Variants in ALMS1 observed in about 807,000 individuals in gnomAD.
ALMS1 encodes centrosome-associated protein ALMS1.
A neutral mutation model predicts 352.2 loss-of-function variants in ALMS1; 271 were observed. That is an observed-to-expected ratio of 0.77 (90% CI 0.70 to 0.85). The LOEUF (loss-of-function observed/expected upper bound fraction) is 0.85, where lower values mean the gene tolerates loss of function less well. Ranked by LOEUF, ALMS1 falls within the 40% of genes least tolerant of loss-of-function variation. The pLI, the probability that ALMS1 is intolerant of heterozygous loss-of-function variation, is 0.00. For missense variants in ALMS1, 5,445 were observed against 4,870.7 expected (o/e 1.12, Z -3.51); for synonymous variants, 1,865 against 1,761.2 (o/e 1.06, Z -1.48).
intron 9 of ALMS1, among the ~76,000 whole-genome samples, chr2:73,483,708 A>G (rs2103872703): frequency 6.7e-6 from 1 of 150,270 alleles, no homozygotes; most frequent in South Asian, 2.1e-4. Flanking sequence ...GTGGGAGTCT[A>G]AGTCTCTTTG....
In ALMS1 at chr2:73,488,688, C is replaced by A. The variant is rs553074424; in HGVS notation, c.7675-946C>A. 2.6e-5 allele frequency among the ~76,000 whole-genome samples: 4 copies of A among 152,294 alleles called. No individual in the cohort carries two copies. In the South Asian group the frequency reaches 8.3e-4, roughly 32 times the overall value. ...ACTCCAGATGGGATGCCGCTGCCAT[C>A]AAAAATATATCTACTCCATCACCTG... On this transcript the variant is annotated intron_variant, in intron 9 of 22. Transcript: ENST00000613296.
At chr2:73,526,225 T>G (rs1673788342) in intron 11 of ALMS1, among the ~76,000 whole-genome samples, 1 of 152,334 alleles carries the variant, frequency 6.6e-6, no homozygotes, top group South Asian at 2.1e-4. Flanking sequence ...TCCTCCAGTT[T>G]CGTTCTTTAT....
intron 6 of ALMS1, among the ~76,000 whole-genome samples, chr2:73,426,855 T>C (rs1405946073): frequency 6.6e-6 from 1 of 152,236 alleles, no homozygotes; most frequent in Admixed American, 6.5e-5. Context: ...GGGAATGTTT[T>C]ATTTGAAAAA....
chr2:73,510,951 C>G (rs1473728959), intron 10 of ALMS1, among the ~76,000 whole-genome samples: 1 of 152,144 alleles, frequency 6.6e-6, no homozygotes, highest in African/African-American at 2.4e-5. Context: ...TGGGCTTCAC[C>G]CAGTTGGAAA....
Position 73,448,031 on chromosome 2 carries a change from G to A in ALMS1, c.1504G>A (p.Val502Ile). 1.9e-6 allele frequency: 3 copies of A among 1,613,936 alleles called. No individual in the cohort carries two copies. Residue 502 changes from valine to isoleucine, a missense_variant, in exon 8 of 23, where the codon GTT becomes ATT. Transcript: ENST00000613296. ...GAAGTCAGGCATCACTACCACTCCT[G>A]TTGATTCAGACATTGGATCTCATTT... ...NLKSGITTTP[V>I]DSDIGSHLSL...
At chr2:73,539,762 A>C (rs529496754) in intron 12 of ALMS1, among the ~76,000 whole-genome samples, 3 of 152,362 alleles carry the variant, frequency 2.0e-5, no homozygotes, top group African/African-American at 7.2e-5. Flanking sequence ...ATCAACTGGC[A>C]GAAAGGGTAT....
At position 73,490,333 on chromosome 2, in the gene ALMS1, A is replaced by G; in HGVS notation, c.8374A>G (p.Arg2792Gly). Residue 2792 changes from arginine (R) to glycine (G), a missense_variant, in exon 10 of 23, where the codon AGA becomes GGA. Coordinates refer to ENST00000613296, the MANE Select transcript of ALMS1 (RefSeq NM_001378454.1). ...AGAAGTGACTATTTTAGCAGAAGGTAGAAGGCAAAGCCAAAAATTACCTGT... is the reference window on the plus strand; with the variant it reads ...AGAAGTGACTATTTTAGCAGAAGGTGGAAGGCAAAGCCAAAAATTACCTGT... ...DKEVTILAEG[R>G]RQSQKLPVDF... 1 of 1,612,436 alleles carries G rather than the reference A, an allele frequency of 6.2e-7. No individual in the cohort carries two copies.
In ALMS1 at chr2:73,451,672, A is replaced by T. The variant is rs1671943193; in HGVS notation, c.5145A>T (p.Arg1715Ser). ...TATCCTCTAGTTTATACTCATATAGAGAGAAGCCCATTGTCTTCTACCAAC... is the reference window on the plus strand; with the variant it reads ...TATCCTCTAGTTTATACTCATATAGTGAGAAGCCCATTGTCTTCTACCAAC... ...PSVSSSLYSY[R>S]EKPIVFYQQA... Residue 1715 changes from arginine (R) to serine (S), a missense_variant, in exon 8 of 23, where the codon AGA (arginine) becomes AGT (serine). Transcript: ENST00000613296. 2.5e-6 allele frequency: 4 copies of T among 1,614,094 alleles called. No homozygotes were observed. Among genetic ancestry groups the T allele is most frequent in the Non-Finnish European group, 3.4e-6 (4 of 1,179,988 alleles).
Position 73,450,119 on chromosome 2 carries a change from C to T in ALMS1, c.3592C>T (p.Pro1198Ser). 1 of 1,614,028 alleles carries T rather than the reference C, an allele frequency of 6.2e-7. No individual in the cohort carries two copies. The highest frequency in any genetic ancestry group is 2.2e-5 in the East Asian group (1 of 44,878). ...LSTFYSQREK[P>S]GIFYQQTLPG... ...TACCTTCTACTCACAAAGAGAGAAA[C>T]CTGGTATTTTCTATCAACAGACCTT... The change falls in exon 8 of 23, where the codon CCT (proline) becomes TCT (serine). Residue 1198 changes from proline to serine, a missense_variant. Pro to Ser is a moderately conservative substitution (Grantham distance 74). Transcript: ENST00000613296.
intron 5 of ALMS1, among the ~76,000 whole-genome samples, chr2:73,425,756 A>T (rs1335813779): frequency 3.9e-5 from 6 of 152,194 alleles, no homozygotes; most frequent in African/African-American, 1.4e-4. Context: ...AGGCTTAAAC[A>T]TCCATGCTAT....
chr2:73,447,627 G>A (rs1453567108), intron 7 of ALMS1, among the ~76,000 whole-genome samples: 1 of 152,108 alleles, frequency 6.6e-6, no homozygotes, highest in Non-Finnish European at 1.5e-5. Flanking sequence ...ATAACAGATT[G>A]TAAGTAGGGT....
At position 73,524,409 on chromosome 2, in the gene ALMS1, T is replaced by G. The variant is rs141737118; in HGVS notation, c.9781+4393T>G. On this transcript the variant is annotated intron_variant, in intron 11 of 22. Transcript: ENST00000613296. The stretch of plus-strand genomic sequence containing the variant: ...TCCATCACCTCAAGCATTTATCCAT[T>G]CTTTGTGTTAACAATCCAGTTACAT... 3.8e-3 allele frequency among the ~76,000 whole-genome samples: 586 copies of G among 152,312 alleles called. 2 individuals are homozygous for G. The highest frequency in any genetic ancestry group is 5.9e-3 in the Non-Finnish European group (402 of 68,024).
intron 21 of ALMS1, chr2:73,603,992 G>A (rs1296603486): frequency 3.3e-5 from 5 of 152,318 alleles, no homozygotes; most frequent in African/African-American, 1.2e-4. Flanking sequence ...CCAGAACACA[G>A]TAAGTTAAAC....
intron 13 of ALMS1, among the ~76,000 whole-genome samples, chr2:73,554,949 G>A (rs944998654): frequency 2.0e-5 from 3 of 152,042 alleles, no homozygotes; most frequent in Admixed American, 6.6e-5. Context: ...CGGTACTTAG[G>A]AATGAATCTT....
chr2:73,462,914 A>G (rs528726359), intron 9 of ALMS1: 2 of 152,220 alleles, frequency 1.3e-5, no homozygotes, highest in South Asian at 4.2e-4. Flanking sequence ...TAACTATCTT[A>G]AATATATATG....
chr2:73,486,079 G>A (rs575032389), intron 9 of ALMS1, among the ~76,000 whole-genome samples: 3 of 151,882 alleles, frequency 2.0e-5, no homozygotes, highest in East Asian at 1.9e-4. Context: ...GTTCCTATTC[G>A]GCCATCTTGG....
intron 10 of ALMS1, among the ~76,000 whole-genome samples, chr2:73,501,771 A>C (rs914434231): frequency 1.3e-5 from 2 of 152,166 alleles, no homozygotes; most frequent in African/African-American, 4.8e-5. Context: ...TGCTATTTCA[A>C]GTCCTTTGCA....
intron 1 of ALMS1, among the ~76,000 whole-genome samples, chr2:73,393,454 C>T (rs1163983482): frequency 6.6e-6 from 1 of 151,678 alleles, no homozygotes; most frequent in Non-Finnish European, 1.5e-5. Context: ...AATTTTGTTA[C>T]ATTGATATAT....
intron 7 of ALMS1, among the ~76,000 whole-genome samples, chr2:73,447,217 G>A (rs372134383): frequency 2.6e-5 from 4 of 152,062 alleles, no homozygotes; most frequent in African/African-American, 9.7e-5. Context: ...TAGAATTATT[G>A]TATTAGTGCA....
Sources: allele counts gnomAD v4.1 joint callset (sites outside exome capture counted in the v4.1 genomes callset), GRCh38; gene constraint gnomAD v4.1.1; transcripts MANE v1.5; gene names NCBI Gene and HGNC (gene_info 2026-07-23, HGNC 2026-07-21).